The following PDGFC variants were observed in gnomAD, a reference collection of about 807,000 sequenced individuals.
The protein encoded by PDGFC is platelet derived growth factor C.
Under a neutral mutation model 35.5 loss-of-function variants are expected in PDGFC, and 12 were observed. That is an observed-to-expected ratio of 0.34 (90% CI 0.22 to 0.55). The LOEUF (loss-of-function observed/expected upper bound fraction) is 0.55, where lower values mean the gene tolerates loss of function less well. Among genes scored for constraint, PDGFC ranks in the 20% least tolerant of loss-of-function variants. PDGFC has a pLI of 0.91. For missense variants in PDGFC, 322 were observed against 412.4 expected (o/e 0.78, Z 1.90); for synonymous variants, 159 against 148.8 (o/e 1.07, Z -0.50).
At chr4:156,914,213 C>T (rs553060001) in intron 1 of PDGFC, among the ~76,000 whole-genome samples, 2 of 152,134 alleles carry the variant, frequency 1.3e-5, no homozygotes, top group Non-Finnish European at 2.9e-5. Context: ...AGCTCAAAAA[C>T]TCTCTCAGTT....
intron 1 of PDGFC, among the ~76,000 whole-genome samples, chr4:156,867,614 C>T (rs531297177): frequency 1.2e-4 from 18 of 152,178 alleles, no homozygotes; most frequent in African/African-American, 2.6e-4. Flanking sequence ...TTAAGAAGAG[C>T]GGCAGGTCAT....
chr4:156,970,527 A>G (rs1732566493), intron 1 of PDGFC, among the ~76,000 whole-genome samples: 1 of 152,180 alleles, frequency 6.6e-6, no homozygotes, highest in Admixed American at 6.5e-5. Flanking sequence ...ATTTGAAATG[A>G]CGTTCACAAT....
At chr4:156,807,392 T>A (rs1168047466) in intron 3 of PDGFC, among the ~76,000 whole-genome samples, 4 of 151,878 alleles carry the variant, frequency 2.6e-5, no homozygotes, top group African/African-American at 9.7e-5. Context: ...TACCTGTGAA[T>A]CAAGAAAATG....
intron 1 of PDGFC, among the ~76,000 whole-genome samples, chr4:156,934,570 CATA>C (rs1731631489): frequency 6.6e-6 from 1 of 152,134 alleles, no homozygotes; most frequent in African/African-American, 2.4e-5. Context: ...TACTTTCTTA[CATA>C]ATATACTAGC....
rs372251154 is a variant in PDGFC at position 156,790,722 on chromosome 4, T to C, written c.496-17829A>G. 5.9e-5 allele frequency among the ~76,000 whole-genome samples: 9 copies of C among 152,284 alleles called. No individual in the cohort carries two copies. The East Asian group carries it at 1.4e-3, about 23-fold the overall frequency. ...AACTTATACCAATTATTTATTGAGA[T>C]TTTTTCATCCTAATTATTCACTAAA... On this transcript the variant is annotated intron_variant, in intron 3 of 5. Coordinates refer to ENST00000502773, the MANE Select transcript of PDGFC (RefSeq NM_016205.3).
chr4:156,951,660 C>T (rs1327715981), intron 1 of PDGFC, among the ~76,000 whole-genome samples: 1 of 150,414 alleles, frequency 6.6e-6, no homozygotes, highest in East Asian at 2.0e-4. Flanking sequence ...TTTTGTGATA[C>T]TATTCTGGAC....
chr4:156,937,614 C>A (rs1731714502), intron 1 of PDGFC, among the ~76,000 whole-genome samples: 1 of 152,074 alleles, frequency 6.6e-6, no homozygotes, highest in Admixed American at 6.6e-5. Context: ...GTGGGAGGAT[C>A]ACATGAGCCC....
chr4:156,883,837 AG>A (rs34840022), intron 1 of PDGFC, among the ~76,000 whole-genome samples: 2 of 152,062 alleles, frequency 1.3e-5, no homozygotes, highest in African/African-American at 2.4e-5. Context: ...ATTATACCTG[AG>A]GGGGGTCACT....
intron 3 of PDGFC, among the ~76,000 whole-genome samples, chr4:156,807,980 T>A (rs982160745): frequency 2.0e-5 from 3 of 152,020 alleles, no homozygotes; most frequent in Non-Finnish European, 2.9e-5. Flanking sequence ...TAATTCCCAC[T>A]CCTCACTGCC....
At chr4:156,928,280 TG>T (rs1321642152) in intron 1 of PDGFC, among the ~76,000 whole-genome samples, 1 of 152,110 alleles carries the variant, frequency 6.6e-6, no homozygotes, top group Non-Finnish European at 1.5e-5. Context: ...TTTTAAGAGA[TG>T]GGTCTTGCTA....
At chr4:156,918,804 T>A (rs1351749644) in intron 1 of PDGFC, among the ~76,000 whole-genome samples, 1 of 152,176 alleles carries the variant, frequency 6.6e-6, no homozygotes, top group African/African-American at 2.4e-5. Flanking sequence ...TTTATCAATA[T>A]TTTACACTAA....
chr4:156,915,708 C>T (rs920817061), intron 1 of PDGFC, among the ~76,000 whole-genome samples: 3 of 151,870 alleles, frequency 2.0e-5, no homozygotes, highest in African/African-American at 7.3e-5. Context: ...CAGAAGAATC[C>T]CGGCAGAGGT....
intron 1 of PDGFC, among the ~76,000 whole-genome samples, chr4:156,945,502 T>G (rs1287362577): frequency 1.3e-5 from 2 of 151,066 alleles, no homozygotes; most frequent in African/African-American, 4.9e-5. Context: ...ATAGCTCCTA[T>G]TTATAGATGC....
At chr4:156,801,700 T>C (rs1731617508) in intron 3 of PDGFC, among the ~76,000 whole-genome samples, 1 of 152,176 alleles carries the variant, frequency 6.6e-6, no homozygotes, top group Admixed American at 6.5e-5. Flanking sequence ...ATATATGAAT[T>C]CCACTAATAA....
intron 1 of PDGFC, among the ~76,000 whole-genome samples, chr4:156,905,077 G>C (rs1313959286): frequency 1.3e-5 from 2 of 152,070 alleles, no homozygotes; most frequent in African/African-American, 4.8e-5. Flanking sequence ...GGTAAAACCA[G>C]ATTCTGTGCC....
chr4:156,843,899 T>C (rs1472845778), intron 2 of PDGFC, among the ~76,000 whole-genome samples: 2 of 152,158 alleles, frequency 1.3e-5, no homozygotes, highest in Non-Finnish European at 2.9e-5. Context: ...CCAAAAGAAC[T>C]GTTAACTCCT....
At chr4:156,902,937 GATAAAT>G (rs1730824904) in intron 1 of PDGFC, among the ~76,000 whole-genome samples, 1 of 151,976 alleles carries the variant, frequency 6.6e-6, no homozygotes, top group Admixed American at 6.6e-5. Context: ...TTATTTATTG[GATAAAT>G]AAAATATCTA....
At chr4:156,844,953 A>G (rs1029737137) in intron 2 of PDGFC, among the ~76,000 whole-genome samples, 2 of 152,002 alleles carry the variant, frequency 1.3e-5, no homozygotes, top group Admixed American at 1.3e-4. Flanking sequence ...TAGGAACATA[A>G]ATACACTACT....
rs112681489 is a variant in PDGFC, at chr4:156,764,083, T to A, written c.922-877A>T. ...AAAGTTTAGGAAATTGTATTTTGTT[T>A]GGATTATGAACAAAGGCCAGAGCAC... On this transcript the variant is annotated intron_variant, in intron 5 of 5. Transcript: ENST00000502773. Among the ~76,000 whole-genome samples, 805 of 152,342 alleles carry A rather than the reference T, an allele frequency of 5.3e-3. 10 individuals are homozygous for A. The highest frequency in any genetic ancestry group is 0.018 in the African/African-American group (731 of 41,580).
Sources: gnomAD v4.1 joint callset for allele counts (sites outside exome capture counted in the v4.1 genomes callset) on GRCh38, gnomAD v4.1.1 for gene constraint, MANE v1.5 for transcripts, NCBI Gene and HGNC (gene_info 2026-07-23, HGNC 2026-07-21) for gene names.